CAV3: variants seen among roughly 807,000 people sequenced by gnomAD.
CAV3 encodes caveolin 3.
CAV3 carries 10 observed loss-of-function variants against 13.4 expected under a neutral mutation model. The ratio of observed to expected loss-of-function variants is 0.75; its 90% confidence interval spans 0.46 to 1.27. The LOEUF (loss-of-function observed/expected upper bound fraction) is 1.27. Ranked by LOEUF, CAV3 falls within the 50% of genes most tolerant of loss-of-function variation. The probability of loss-of-function intolerance (pLI) is 0.00; values close to 1 mark genes in which losing one functional copy is unlikely to be tolerated. For missense variants in CAV3, 162 were observed against 194.0 expected, an observed-to-expected ratio of 0.83 and a Z score of 0.98; for synonymous variants, 90 against 79.0, an observed-to-expected ratio of 1.14 and a Z score of -0.74.
At chr3:8,741,824 T>A (rs35132423) in intron 1 of CAV3, among the ~76,000 whole-genome samples, 13,489 of 152,174 alleles carry the variant, frequency 0.089, 795 homozygotes, top group Non-Finnish European at 0.14. Flanking sequence ...ATCCTACACC[T>A]TCCCCGCCCT....
At chr3:8,738,837 A>T (rs755383973) in intron 1 of CAV3, among the ~76,000 whole-genome samples, 4 of 152,178 alleles carry the variant, frequency 2.6e-5, no homozygotes, top group Non-Finnish European at 5.9e-5. Context: ...TGACTAATGG[A>T]TCACAGCACT....
At chr3:8,734,120 T>C (rs895317749) in intron 1 of CAV3, 130 bp downstream of exon 1, 11 of 691,650 alleles carry the variant, frequency 1.6e-5, no homozygotes, top group Non-Finnish European at 1.9e-5. Context: ...GTTGTCTCTG[T>C]ATCACCCCCC....
At chr3:8,744,850 C>T (rs1396315905) in intron 1 of CAV3, 2 of 152,702 alleles carry the variant, frequency 1.3e-5, no homozygotes, top group Admixed American at 1.3e-4. Context: ...AGTCGCTCAC[C>T]TTGAGGGGGT....
In CAV3 at chr3:8,746,198, C is replaced by T. The variant is rs1228185044; in HGVS notation, c.*331C>T. On this transcript the variant is annotated 3_prime_UTR_variant, in exon 2 of 2. Coordinates refer to ENST00000343849, the MANE Select transcript of CAV3 (RefSeq NM_033337.3). ...GCACGCGGTTCCCACCCGGGGCCAA[C>T]CTCTCCACGCGCACTCAGGAAAGTG... is the stretch of plus-strand genomic sequence containing the variant. 1 of 253,584 alleles carries T rather than the reference C, an allele frequency of 3.9e-6. No individual in the cohort carries two copies. The highest frequency in any genetic ancestry group is 2.2e-5 in the African/African-American group (1 of 46,130). 15.7% of individuals were successfully genotyped at this position (253,584 alleles called of 1,614,324 possible). A position where few individuals can be genotyped will look rare whatever the true frequency, so the allele number is the denominator to read the frequency against.
Position 8,745,690 on chromosome 3 carries a change from C to T in CAV3, c.279C>T (p.Ala93=), listed in dbSNP as rs2124988568. The change falls in exon 2 of 2, where the codon GCC becomes GCT. Residue 93 remains alanine, a synonymous_variant. Coordinates refer to ENST00000343849, the MANE Select transcript of CAV3 (RefSeq NM_033337.3). This position sits in a 1 kb window ranked among gnomAD's most constrained non-coding sequence, Gnocchi z 4.8. ...PLALLWGFLF[A]CISFCHIWAV... ...CCCTGCTCTGGGGCTTCCTGTTCGC[C>T]TGCATCTCCTTCTGCCACATCTGGG... 1.2e-6 allele frequency: 2 copies of T among 1,614,170 alleles called. No individual in the cohort carries two copies. Among genetic ancestry groups the T allele is most frequent in the South Asian group, 1.1e-5 (1 of 91,084 alleles).
intron 1 of CAV3, chr3:8,742,372 A>AG (rs879178682): frequency 1.6e-4 from 55 of 345,900 alleles, no homozygotes; most frequent in South Asian, 5.1e-4. Flanking sequence ...AAAAAAAAAA[A>AG]AAGAAGAAGA....
intron 1 of CAV3, among the ~76,000 whole-genome samples, chr3:8,739,550 G>A (rs1707881200): frequency 6.6e-6 from 1 of 151,194 alleles, no homozygotes. Context: ...AACCCAGGAG[G>A]CAGAGGTTGC....
At chr3:8,736,542 A>T (rs1487681424) in intron 1 of CAV3, among the ~76,000 whole-genome samples, 1 of 152,196 alleles carries the variant, frequency 6.6e-6, no homozygotes, top group African/African-American at 2.4e-5. Context: ...ATCCCACGGG[A>T]GAACATGGTT....
chr3:8,745,721 G>A lies in CAV3; in HGVS notation c.310G>A (p.Val104Met), dbSNP rs944503745. 3 of 1,614,172 alleles carry A rather than the reference G, an allele frequency of 1.9e-6. No individual in the cohort carries two copies. Among genetic ancestry groups the A allele is most frequent in the South Asian group, 2.2e-5 (2 of 91,084 alleles). The change falls in exon 2 of 2, where the codon GTG becomes ATG. Residue 104 changes from valine (V) to methionine (M), a missense_variant. Coordinates refer to ENST00000343849, the MANE Select transcript of CAV3 (RefSeq NM_033337.3). This position sits in a 1 kb window ranked among gnomAD's most constrained non-coding sequence, Gnocchi z 4.8. ...CISFCHIWAV[V>M]PCIKSYLIEI... ...CTCCTTCTGCCACATCTGGGCGGTG[G>A]TGCCATGCATTAAGAGCTACCTGAT...
chr3:8,739,621 CA>C (rs35987481), intron 1 of CAV3, among the ~76,000 whole-genome samples: 16,426 of 126,142 alleles, frequency 0.13, 954 homozygotes, highest in Non-Finnish European at 0.16. Context: ...ATTCCTTCTC[CA>C]AAAAAAAAAA....
intron 1 of CAV3, among the ~76,000 whole-genome samples, chr3:8,738,046 C>G (rs1365846554): frequency 7.6e-6 from 1 of 132,340 alleles, no homozygotes; most frequent in Admixed American, 7.6e-5. Flanking sequence ...TCTTCTCTCT[C>G]TCTCTCTCTC....
At chr3:8,738,938 C>A (rs1004846905) in intron 1 of CAV3, among the ~76,000 whole-genome samples, 1 of 152,102 alleles carries the variant, frequency 6.6e-6, no homozygotes, top group Non-Finnish European at 1.5e-5. Flanking sequence ...AATGAACTAT[C>A]GAAGAGGATT....
At chr3:8,742,133 G>A (rs1049145127) in intron 1 of CAV3, among the ~76,000 whole-genome samples, 16 of 152,252 alleles carry the variant, frequency 1.1e-4, no homozygotes, top group African/African-American at 3.9e-4. Context: ...AGAGCTGCCT[G>A]AGCCGGGCCT....
In CAV3 at chr3:8,745,513, G is replaced by C. The variant is rs368367319; in HGVS notation, c.115-13G>C. 4.0e-5 allele frequency: 65 copies of C among 1,608,454 alleles called. 1 individual carries two copies. The African/African-American group carries it at 7.5e-4, about 19-fold the overall frequency. On this transcript the variant is annotated splice_polypyrimidine_tract_variant and intron_variant, in intron 1 of 1. Transcript: ENST00000343849. This position sits in a 1 kb window ranked among gnomAD's most constrained non-coding sequence, Gnocchi z 4.8. The stretch of plus-strand genomic sequence containing the variant: ...CTTCTGTGAGTTGAGGCTTCCCCTT[G>C]CCACCCCTGCAGGTGGATTTTGAAG...
intron 1 of CAV3, among the ~76,000 whole-genome samples, chr3:8,736,538 C>T (rs572162539): frequency 1.3e-4 from 20 of 152,258 alleles, no homozygotes; most frequent in Middle Eastern, 3.4e-3. Context: ...GAGGATCCCA[C>T]GGGAGAACAT....
intron 1 of CAV3, among the ~76,000 whole-genome samples, chr3:8,734,644 C>T (rs1255449245): frequency 6.6e-6 from 1 of 152,240 alleles, no homozygotes; most frequent in East Asian, 1.9e-4. Flanking sequence ...TCTTCCCTCG[C>T]CTCCTGGTGA....
intron 1 of CAV3, among the ~76,000 whole-genome samples, chr3:8,741,477 T>G (rs2124983720): frequency 1.3e-5 from 2 of 152,284 alleles, no homozygotes; most frequent in African/African-American, 4.8e-5. Flanking sequence ...ACTTGGGTTT[T>G]CTGACTCTGA....
chr3:8,735,229 G>A (rs113893193), intron 1 of CAV3, among the ~76,000 whole-genome samples: 1,959 of 152,290 alleles, frequency 0.013, 52 homozygotes, highest in African/African-American at 0.045. Context: ...AAAGCAAACA[G>A]GTGAAATTAA....
intron 1 of CAV3, among the ~76,000 whole-genome samples, chr3:8,743,143 C>T (rs138905390): frequency 4.3e-4 from 65 of 152,252 alleles, no homozygotes; most frequent in African/African-American, 1.5e-3. Flanking sequence ...GGTGAAGGGT[C>T]CGCCCCCATG....
Sources: allele counts gnomAD v4.1 joint callset (sites outside exome capture counted in the v4.1 genomes callset), GRCh38; gene constraint gnomAD v4.1.1; non-coding constraint Gnocchi (gnomAD v3.1); transcripts MANE v1.5; gene names NCBI Gene and HGNC (gene_info 2026-07-23, HGNC 2026-07-21).